DCLK1: variants seen among roughly 807,000 people sequenced by gnomAD.
DCLK1 encodes doublecortin like kinase 1, also known as serine/threonine-protein kinase DCLK1.
A neutral mutation model predicts 86.2 loss-of-function variants in DCLK1; 16 were observed. The observed-to-expected ratio is 0.19, with a 90% CI of 0.13 to 0.28. The LOEUF (loss-of-function observed/expected upper bound fraction) is 0.28, where lower values mean the gene tolerates loss of function less well. DCLK1 is among the 10% of genes least tolerant of loss of function. DCLK1 has a pLI of 1.00. For synonymous variants in DCLK1, 369 were observed against 370.5 expected (o/e 1.00, Z 0.05); for missense variants, 590 against 940.2 (o/e 0.63, Z 4.87).
intron 5 of DCLK1, among the ~76,000 whole-genome samples, chr13:35,856,444 C>G (rs1028071322): frequency 1.3e-5 from 2 of 152,154 alleles, no homozygotes; most frequent in Non-Finnish European, 2.9e-5. Context: ...CTTTACCCAC[C>G]CGCATTCTAC....
intron 4 of DCLK1, among the ~76,000 whole-genome samples, chr13:35,900,580 C>A (rs1874293542): frequency 6.6e-6 from 1 of 152,140 alleles, no homozygotes; most frequent in Non-Finnish European, 1.5e-5. Flanking sequence ...TCACCAAGTG[C>A]TCTGTCTGAG....
At chr13:36,129,631 C>A (rs1009835362) in intron 1 of DCLK1, among the ~76,000 whole-genome samples, 2 of 152,200 alleles carry the variant, frequency 1.3e-5, no homozygotes, top group African/African-American at 4.8e-5. Flanking sequence ...GATCCACTGG[C>A]CTTCCACAGG....
intron 3 of DCLK1, among the ~76,000 whole-genome samples, chr13:35,980,067 G>A (rs376796855): frequency 2.0e-5 from 3 of 152,180 alleles, no homozygotes; most frequent in South Asian, 4.1e-4. Context: ...CAGTTTAGCA[G>A]TGCTACGAAC....
At chr13:35,897,583 T>C (rs1261870075) in intron 4 of DCLK1, among the ~76,000 whole-genome samples, 1 of 152,214 alleles carries the variant, frequency 6.6e-6, no homozygotes, top group African/African-American at 2.4e-5. Flanking sequence ...TAAAGGCTGT[T>C]TATCAAACCA....
intron 3 of DCLK1, among the ~76,000 whole-genome samples, chr13:36,103,790 T>C (rs1194262785): frequency 3.3e-5 from 5 of 152,204 alleles, no homozygotes; most frequent in Non-Finnish European, 4.4e-5. Flanking sequence ...TTTGTGTCTC[T>C]GCAATAATTA....
chr13:35,786,018 T>A (rs1199059283), intron 16 of DCLK1, among the ~76,000 whole-genome samples: 1 of 152,206 alleles, frequency 6.6e-6, no homozygotes, highest in Non-Finnish European at 1.5e-5. Context: ...ACATTGTTGT[T>A]ACTGCCCCAG....
intron 3 of DCLK1, among the ~76,000 whole-genome samples, chr13:36,045,377 T>TATATATATCTATATATAC (rs568110221): frequency 1.8e-4 from 22 of 125,046 alleles, no homozygotes; most frequent in East Asian, 1.1e-3. Flanking sequence ...TATATATATA[T>TATATATATCTATATATAC]TTCAAGGTAA....
At chr13:35,779,913 G>T (rs1481209364) in intron 16 of DCLK1, among the ~76,000 whole-genome samples, 6 of 151,910 alleles carry the variant, frequency 3.9e-5, no homozygotes, top group Non-Finnish European at 2.9e-5. Flanking sequence ...TAGCACTGTA[G>T]GCTAATATAT....
chr13:36,102,946 G>A (rs1277039993), intron 3 of DCLK1, among the ~76,000 whole-genome samples: 1 of 152,174 alleles, frequency 6.6e-6, no homozygotes, highest in East Asian at 1.9e-4. Context: ...TCTGACCCTG[G>A]ACAATGAAAT....
intron 5 of DCLK1, among the ~76,000 whole-genome samples, chr13:35,866,726 T>TA (rs954391679): frequency 1.3e-5 from 2 of 151,994 alleles, no homozygotes; most frequent in Non-Finnish European, 2.9e-5. Context: ...GCTTTAACAT[T>TA]AAAAAATCAG....
At chr13:36,065,970 T>A (rs942965521) in intron 3 of DCLK1, among the ~76,000 whole-genome samples, 8 of 152,168 alleles carry the variant, frequency 5.3e-5, no homozygotes, top group Non-Finnish European at 2.9e-5. Flanking sequence ...TTATGGCTGT[T>A]TTTTTTATTT....
chr13:35,866,024 T>C (rs777636183), intron 5 of DCLK1, among the ~76,000 whole-genome samples: 8 of 151,980 alleles, frequency 5.3e-5, no homozygotes, highest in Non-Finnish European at 7.4e-5. Context: ...GGTGAAGAAA[T>C]AGGTATCAAG....
At chr13:36,083,921 T>C (rs1409022674) in intron 3 of DCLK1, among the ~76,000 whole-genome samples, 1 of 152,188 alleles carries the variant, frequency 6.6e-6, no homozygotes, top group African/African-American at 2.4e-5. Context: ...CCTCCTGGAT[T>C]TCTCTAAGTT....
chr13:36,016,933 GT>G (rs1881558447), intron 3 of DCLK1, among the ~76,000 whole-genome samples: 1 of 152,090 alleles, frequency 6.6e-6, no homozygotes, highest in South Asian at 2.1e-4. Context: ...CTCATTTTAA[GT>G]TACACATGGC....
At chr13:35,958,121 C>T (rs926158969) in intron 3 of DCLK1, among the ~76,000 whole-genome samples, 1 of 132,550 alleles carries the variant, frequency 7.5e-6, no homozygotes, top group Non-Finnish European at 1.6e-5. Flanking sequence ...TCACCACCAC[C>T]ACTACCACTA....
At chr13:36,041,806 A>C (rs1882711500) in intron 3 of DCLK1, among the ~76,000 whole-genome samples, 1 of 152,172 alleles carries the variant, frequency 6.6e-6, no homozygotes, top group African/African-American at 2.4e-5. Flanking sequence ...CTTTAATGAA[A>C]TTTTATACAT....
intron 4 of DCLK1, among the ~76,000 whole-genome samples, chr13:35,924,862 T>C (rs9574928): frequency 0.66 from 100,044 of 152,062 alleles, 33,305 homozygotes; most frequent in Admixed American, 0.76. Flanking sequence ...TTATGAATAA[T>C]GCTTTATAAG....
intron 3 of DCLK1, among the ~76,000 whole-genome samples, chr13:36,025,969 G>C (rs1197869333): frequency 6.6e-6 from 1 of 152,030 alleles, no homozygotes; most frequent in African/African-American, 2.4e-5. Flanking sequence ...TCATGGTGGG[G>C]GGAGAGGAAA....
intron 2 of DCLK1, among the ~76,000 whole-genome samples, chr13:36,121,392 G>A (rs1331801369): frequency 6.6e-6 from 1 of 152,130 alleles, no homozygotes; most frequent in Non-Finnish European, 1.5e-5. Context: ...AGACAATTCA[G>A]GAGTTTTAAA....
Sources: gnomAD v4.1 joint callset for allele counts (sites outside exome capture counted in the v4.1 genomes callset) on GRCh38, gnomAD v4.1.1 for gene constraint, MANE v1.5 for transcripts, NCBI Gene and HGNC (gene_info 2026-07-23, HGNC 2026-07-21) for gene names.